Variants in ARFGEF3 observed in about 807,000 individuals in gnomAD.
ARFGEF3 encodes brefeldin A-inhibited guanine nucleotide-exchange protein 3.
ARFGEF3 carries 96 observed loss-of-function variants against 221.7 expected under a neutral mutation model. The ratio of observed to expected loss-of-function variants is 0.43; its 90% CI spans 0.37 to 0.51. The LOEUF (loss-of-function observed/expected upper bound fraction) is 0.51, where lower values mean the gene tolerates loss of function less well. ARFGEF3 is among the 20% of genes least tolerant of loss of function. The probability of loss-of-function intolerance (pLI) is 0.00; values close to 1 mark genes in which losing one functional copy is unlikely to be tolerated. For synonymous variants in ARFGEF3, 1,145 were observed against 1,126.8 expected (o/e 1.02, Z -0.32); for missense variants, 2,410 against 2,789.9 (o/e 0.86, Z 3.07).
At chr6:138,200,807 A>C (rs1003365391) in intron 2 of ARFGEF3, among the ~76,000 whole-genome samples, 1 of 152,230 alleles carries the variant, frequency 6.6e-6, no homozygotes, top group Non-Finnish European at 1.5e-5. Context: ...AATGCAATAA[A>C]AACAAAGAAA....
At chr6:138,188,034 G>A (rs1247706051) in intron 2 of ARFGEF3, among the ~76,000 whole-genome samples, 1 of 152,170 alleles carries the variant, frequency 6.6e-6, no homozygotes. Context: ...AAATAATAGA[G>A]TAGGATATAG....
intron 2 of ARFGEF3, among the ~76,000 whole-genome samples, chr6:138,180,363 C>T (rs1444249917): frequency 6.6e-6 from 1 of 152,182 alleles, no homozygotes; most frequent in Non-Finnish European, 1.5e-5. Flanking sequence ...TCAGCTTGTG[C>T]TAATGAATGG....
chr6:138,222,193 C>T (rs1329041899), intron 4 of ARFGEF3, among the ~76,000 whole-genome samples: 3 of 151,980 alleles, frequency 2.0e-5, no homozygotes, highest in Non-Finnish European at 4.4e-5. Context: ...TGAGCCACAT[C>T]GGAAGAAGAA....
chr6:138,239,615 A>G (rs1360658573), intron 6 of ARFGEF3, among the ~76,000 whole-genome samples: 1 of 148,738 alleles, frequency 6.7e-6, no homozygotes, highest in Non-Finnish European at 1.5e-5. Context: ...TGCCCACTGC[A>G]CTCTAGCCTG....
intron 31 of ARFGEF3, 75 bp from the exon 32 acceptor site, chr6:138,327,946 G>A: frequency 7.8e-7 from 1 of 1,281,032 alleles, no homozygotes; most frequent in Non-Finnish European, 1.1e-6. Flanking sequence ...CTTGCCCAGG[G>A]TCATCCAGCT....
intron 4 of ARFGEF3, among the ~76,000 whole-genome samples, chr6:138,211,988 A>G (rs572080485): frequency 1.1e-4 from 16 of 152,362 alleles, no homozygotes; most frequent in Admixed American, 2.6e-4. Context: ...AGAAAAAAGA[A>G]AAACAATGAA....
rs916814225 is a variant in ARFGEF3 at position 138,279,944 on chromosome 6, G to A, written c.2296-55G>A. ...GAAGAGGCAGCAGAGGCACTTAGGA[G>A]CCTGTTAGTGAGCAGGGTGTTATGT... On this transcript the variant is annotated intron_variant, in intron 13 of 33. Coordinates refer to ENST00000251691, the MANE Select transcript of ARFGEF3 (RefSeq NM_020340.5). The A allele has an allele frequency of 8.3e-6, 13 of 1,569,972 alleles. No individual in the cohort carries two copies. In the African/African-American group the frequency reaches 1.3e-4, roughly 16 times the overall value.
chr6:138,267,426 G>GA (rs975678962), intron 12 of ARFGEF3, among the ~76,000 whole-genome samples: 5 of 151,186 alleles, frequency 3.3e-5, no homozygotes, highest in Admixed American at 1.3e-4. Flanking sequence ...CCGCCTCAAA[G>GA]AAAAAAAAAT....
At chr6:138,193,984 G>A (rs912199470) in intron 2 of ARFGEF3, among the ~76,000 whole-genome samples, 3 of 152,070 alleles carry the variant, frequency 2.0e-5, no homozygotes, top group African/African-American at 4.8e-5. Context: ...ATATAAAAAA[G>A]ACGATGGAGC....
rs60475752 is a variant in ARFGEF3, at chr6:138,299,198, TAAAAAAAAAA to T, written c.3828+430_3828+439del. Among the ~76,000 whole-genome samples the T allele has an allele frequency of 1.3e-4, 5 of 39,424 alleles. No homozygotes were observed. In the Admixed American group the frequency reaches 1.4e-3, roughly 11 times the overall value. 25.9% of individuals were successfully genotyped at this position (39,424 alleles called of 152,430 possible). A position where few individuals can be genotyped will look rare whatever the true frequency, so the allele number is the denominator to read the frequency against. On this transcript the variant is annotated intron_variant, in intron 22 of 33. Transcript: ENST00000251691. ...GCCTGAGTGACAGAGCGAGACTCTG[TAAAAAAAAAA>T]AAAAAAAAAAAAAAAACAGAAAAGT...
At chr6:138,207,251 G>T in intron 3 of ARFGEF3, 128 bp downstream of exon 3, 1 of 683,002 alleles carries the variant, frequency 1.5e-6, no homozygotes, top group Non-Finnish European at 2.6e-6. Flanking sequence ...ATTGAACTAG[G>T]AAATAACTAT....
chr6:138,245,426 C>T (rs879121826), intron 7 of ARFGEF3, 87 bp from the exon 8 acceptor site: 8 of 904,928 alleles, frequency 8.8e-6, no homozygotes, highest in Non-Finnish European at 1.4e-5. Flanking sequence ...CAAAAACCAT[C>T]TAAAGTGGAG....
chr6:138,177,061 A>C (rs1405681240), intron 2 of ARFGEF3, among the ~76,000 whole-genome samples: 1 of 113,346 alleles, frequency 8.8e-6, no homozygotes, highest in Non-Finnish European at 1.8e-5. Context: ...CTTTTACTTT[A>C]TTTATTTATT....
intron 10 of ARFGEF3, among the ~76,000 whole-genome samples, 156 bp downstream of exon 10, chr6:138,255,925 C>CG (rs2114578615): frequency 6.6e-6 from 1 of 152,202 alleles, no homozygotes; most frequent in Admixed American, 6.5e-5. Flanking sequence ...AGAGTCAGTG[C>CG]GTGTGTACAT....
chr6:138,336,316 A>G lies in ARFGEF3; in HGVS notation c.6364A>G (p.Thr2122Ala), dbSNP rs1780321583. 6.3e-7 allele frequency: 1 copy of G among 1,595,114 alleles called. No individual in the cohort carries two copies. The highest frequency in any genetic ancestry group is 8.5e-7 in the Non-Finnish European group (1 of 1,171,314). ...TTAGGCATGGACCAACATGGTGCTA[A>G]CAGTTCTCAATCAGATTCAGATTCT... ...QIQAWTNMVL[T>A]VLNQIQILPD... is the part of the protein sequence containing the mutation. Residue 2122 changes from threonine (T) to alanine (A), a missense_variant, in exon 34 of 34, where the codon ACA (threonine) becomes GCA (alanine). Physicochemically the swap from Thr to Ala is moderately conservative, Grantham distance 58. This residue lies in a region of ARFGEF3 where 339 missense variants were observed against 334.9 expected (regional missense o/e 1.01). Coordinates refer to ENST00000251691, the MANE Select transcript of ARFGEF3 (RefSeq NM_020340.5).
intron 4 of ARFGEF3, 72 bp downstream of exon 4, chr6:138,210,113 T>C: frequency 6.7e-7 from 1 of 1,489,166 alleles, no homozygotes; most frequent in South Asian, 1.2e-5. Flanking sequence ...ACTTGTTATC[T>C]GAAAATGCCT....
intron 8 of ARFGEF3, among the ~76,000 whole-genome samples, chr6:138,249,271 A>G (rs1778538969): frequency 6.6e-6 from 1 of 152,212 alleles, no homozygotes; most frequent in Middle Eastern, 3.2e-3. Context: ...TCAGTCACTG[A>G]AAAACAAAGC....
At chr6:138,253,794 A>G in intron 8 of ARFGEF3, 86 bp from the exon 9 acceptor site, 1 of 1,077,078 alleles carries the variant, frequency 9.3e-7, no homozygotes. Context: ...AACGCCTACC[A>G]TTTTTCCGAG....
intron 33 of ARFGEF3, among the ~76,000 whole-genome samples, chr6:138,335,456 A>AACTT (rs1780305540): frequency 6.6e-6 from 1 of 152,118 alleles, no homozygotes; most frequent in African/African-American, 2.4e-5. Context: ...GAGAATTAGG[A>AACTT]ACTTACCTGT....
Sources: allele counts gnomAD v4.1 joint callset (sites outside exome capture counted in the v4.1 genomes callset), GRCh38; gene constraint gnomAD v4.1.1; regional missense constraint gnomAD v4.1.1; transcripts MANE v1.5; gene names NCBI Gene and HGNC (gene_info 2026-07-23, HGNC 2026-07-21).